Variants in PANX1 observed in about 807,000 individuals in gnomAD.
The protein encoded by PANX1 is pannexin-1.
PANX1 carries 30 observed loss-of-function variants against 38.7 expected under a neutral mutation model. The ratio of observed to expected loss-of-function variants is 0.78; its 90% CI spans 0.58 to 1.05. PANX1 has a LOEUF of 1.05. Among genes scored for constraint, PANX1 ranks in the 50% least tolerant of loss-of-function variants. The pLI is 0.00. For missense variants in PANX1, 551 were observed against 517.2 expected (o/e 1.07, Z -0.63); for synonymous variants, 230 against 212.2 (o/e 1.08, Z -0.73).
intron 1 of PANX1, among the ~76,000 whole-genome samples, chr11:94,136,975 A>C (rs1946700570): frequency 6.6e-6 from 1 of 151,994 alleles, no homozygotes; most frequent in Non-Finnish European, 1.5e-5. Flanking sequence ...GGGAGCAGGC[A>C]CGTCTTATAT....
chr11:94,139,114 A>G (rs1565372906), intron 1 of PANX1, among the ~76,000 whole-genome samples: 1 of 152,140 alleles, frequency 6.6e-6, no homozygotes, highest in African/African-American at 2.4e-5. Context: ...AAGTGAGCCT[A>G]TTTTTGGGCT....
At chr11:94,144,262 T>C (rs553731947) in intron 1 of PANX1, among the ~76,000 whole-genome samples, 1 of 152,110 alleles carries the variant, frequency 6.6e-6, no homozygotes. Flanking sequence ...TTTCTTACAA[T>C]GCAAAAACCA....
chr11:94,180,848 A>T lies in PANX1; in HGVS notation c.1260A>T (p.Arg420Ser), dbSNP rs1472783919. ...ATGGAGAGAAGAATGCCCGACAGAG[A>T]CTTCTGGATTCTTCTTGCTGATGAT... is the stretch of plus-strand genomic sequence containing the variant. The part of the protein sequence containing the change: ...ANNGEKNARQ[R>S]LLDSSC Residue 420 changes from arginine to serine, a missense_variant, in exon 5 of 5, where the codon AGA becomes AGT. Coordinates refer to ENST00000227638, the MANE Select transcript of PANX1 (RefSeq NM_015368.4). 2 of 1,587,062 alleles carry T rather than the reference A, an allele frequency of 1.3e-6. No homozygotes were observed. The highest frequency in any genetic ancestry group is 1.7e-6 in the Non-Finnish European group (2 of 1,155,492).
At chr11:94,178,038 G>T (rs1947254969) in intron 2 of PANX1, among the ~76,000 whole-genome samples, 1 of 148,162 alleles carries the variant, frequency 6.7e-6, no homozygotes, top group African/African-American at 2.4e-5. Flanking sequence ...GATAGCTGCA[G>T]GTTTCTTAAC....
intron 1 of PANX1, among the ~76,000 whole-genome samples, chr11:94,151,376 A>G (rs1246764371): frequency 6.6e-6 from 1 of 152,214 alleles, no homozygotes; most frequent in Non-Finnish European, 1.5e-5. Context: ...TATAGAAAGA[A>G]TGTTAATAAA....
At chr11:94,141,615 AC>A (rs1946762803) in intron 1 of PANX1, among the ~76,000 whole-genome samples, 1 of 151,974 alleles carries the variant, frequency 6.6e-6, no homozygotes, top group African/African-American at 2.4e-5. Flanking sequence ...TTTTCAAAAA[AC>A]CCTAGTTGTT....
intron 1 of PANX1, among the ~76,000 whole-genome samples, chr11:94,134,319 T>G (rs968995356): frequency 1.3e-5 from 2 of 152,170 alleles, no homozygotes; most frequent in Non-Finnish European, 2.9e-5. Flanking sequence ...GCTGCACATT[T>G]CATTGATGGG....
intron 2 of PANX1, among the ~76,000 whole-genome samples, chr11:94,161,330 G>T (rs1947030398): frequency 6.6e-6 from 1 of 152,158 alleles, no homozygotes; most frequent in Non-Finnish European, 1.5e-5. Context: ...TTTCCTACTT[G>T]GTTCCATTCT....
At chr11:94,173,602 C>T (rs1947194247) in intron 2 of PANX1, among the ~76,000 whole-genome samples, 1 of 151,558 alleles carries the variant, frequency 6.6e-6, no homozygotes, top group Admixed American at 6.6e-5. Context: ...CTTTTCCGTC[C>T]CCCTCTTCTG....
In PANX1 at chr11:94,138,918, G is replaced by A. The variant is rs187691325; in HGVS notation, c.181+9425G>A. Among the ~76,000 whole-genome samples, 436 of 152,126 alleles carry A rather than the reference G, an allele frequency of 2.9e-3. 1 individual carries two copies. The highest frequency in any genetic ancestry group is 0.02 in the Middle Eastern group (6 of 294). ...TTAGACTGTCATAGCCCATCCTTAG[G>A]TCTATCAGTTTTTTAAAATGATCTT... is the stretch of plus-strand genomic sequence containing the variant. On this transcript the variant is annotated intron_variant, in intron 1 of 4. Transcript: ENST00000227638.
intron 1 of PANX1, among the ~76,000 whole-genome samples, chr11:94,152,242 G>A (rs1471069168): frequency 2.6e-5 from 4 of 152,100 alleles, no homozygotes; most frequent in Admixed American, 6.5e-5. Context: ...AGACACCCTC[G>A]CAAGTGCTGC....
At chr11:94,143,167 T>A (rs1296977619) in intron 1 of PANX1, among the ~76,000 whole-genome samples, 4 of 152,340 alleles carry the variant, frequency 2.6e-5, no homozygotes, top group African/African-American at 9.6e-5. Flanking sequence ...GGTTTCTTTG[T>A]CGCAAGAACT....
At chr11:94,143,605 G>T (rs1349138433) in intron 1 of PANX1, among the ~76,000 whole-genome samples, 1 of 152,156 alleles carries the variant, frequency 6.6e-6, no homozygotes, top group Non-Finnish European at 1.5e-5. Context: ...TTGCTGGGAA[G>T]TAAAAGAGAA....
chr11:94,151,563 T>A (rs1018935598), intron 1 of PANX1, among the ~76,000 whole-genome samples: 2 of 152,216 alleles, frequency 1.3e-5, no homozygotes, highest in African/African-American at 4.8e-5. Flanking sequence ...CTGAGGACTA[T>A]CTGTCCCCTT....
intron 2 of PANX1, among the ~76,000 whole-genome samples, chr11:94,159,893 C>A (rs1484484050): frequency 6.6e-6 from 1 of 151,640 alleles, no homozygotes; most frequent in Admixed American, 6.6e-5. Flanking sequence ...CTATACACTG[C>A]TTTGAATGTG....
At chr11:94,163,023 C>T (rs1226707534) in intron 2 of PANX1, among the ~76,000 whole-genome samples, 1 of 152,062 alleles carries the variant, frequency 6.6e-6, no homozygotes, top group Non-Finnish European at 1.5e-5. Flanking sequence ...CAGGCATGCA[C>T]CACTGCATGT....
intron 1 of PANX1, among the ~76,000 whole-genome samples, chr11:94,129,914 C>G (rs1946607407): frequency 6.6e-6 from 1 of 152,166 alleles, no homozygotes; most frequent in East Asian, 1.9e-4. Flanking sequence ...GACCGGTGCT[C>G]CATGAGAAGT....
intron 2 of PANX1, among the ~76,000 whole-genome samples, chr11:94,158,767 C>T (rs1248437297): frequency 5.9e-5 from 9 of 152,120 alleles, no homozygotes; most frequent in Admixed American, 5.2e-4. Context: ...TTGCCCTGGC[C>T]AGAACTTCCA....
At chr11:94,159,834 A>G (rs542467636) in intron 2 of PANX1, among the ~76,000 whole-genome samples, 2 of 151,588 alleles carry the variant, frequency 1.3e-5, no homozygotes, top group South Asian at 2.1e-4. Context: ...TGTCAATTTT[A>G]GATCTTTCCT....
Sources: allele counts gnomAD v4.1 joint callset (sites outside exome capture counted in the v4.1 genomes callset), GRCh38; gene constraint gnomAD v4.1.1; transcripts MANE v1.5; gene names NCBI Gene and HGNC (gene_info 2026-07-23, HGNC 2026-07-21).